The following ADAMTS2 variants were observed in gnomAD, a reference collection of about 807,000 sequenced individuals.
ADAMTS2 encodes ADAM metallopeptidase with thrombospondin type 1 motif 2, also known as A disintegrin and metalloproteinase with thrombospondin motifs 2.
ADAMTS2 carries 50 observed loss-of-function variants against 123.0 expected under a neutral mutation model. The ratio of observed to expected loss-of-function variants is 0.41; its 90% CI spans 0.32 to 0.51. ADAMTS2 has a LOEUF of 0.51. Among genes scored for constraint, ADAMTS2 ranks in the 20% least tolerant of loss-of-function variants. The pLI, the probability that ADAMTS2 is intolerant of heterozygous loss-of-function variation, is 0.35. For synonymous variants in ADAMTS2, 678 were observed against 695.4 expected (o/e 0.98, Z 0.39); for missense variants, 1,494 against 1,705.2 (o/e 0.88, Z 2.18).
intron 4 of ADAMTS2, among the ~76,000 whole-genome samples, chr5:179,200,144 G>A (rs1033107858): frequency 5.9e-5 from 9 of 151,866 alleles, no homozygotes; most frequent in East Asian, 3.9e-4. Flanking sequence ...ATATCCTGAC[G>A]AGTTTTGCAG....
chr5:179,297,442 G>A (rs1299470281), intron 2 of ADAMTS2, among the ~76,000 whole-genome samples: 1 of 152,016 alleles, frequency 6.6e-6, no homozygotes, highest in Non-Finnish European at 1.5e-5. Context: ...AGAACCAAGA[G>A]GTGAAGTTGG....
intron 3 of ADAMTS2, among the ~76,000 whole-genome samples, chr5:179,268,029 C>G (rs1478534646): frequency 6.6e-6 from 1 of 152,248 alleles, no homozygotes; most frequent in Non-Finnish European, 1.5e-5. Context: ...TTCCTGGAGC[C>G]TTCTCAGTTC....
At chr5:179,183,684 G>T (rs1015355267) in intron 4 of ADAMTS2, among the ~76,000 whole-genome samples, 6 of 152,214 alleles carry the variant, frequency 3.9e-5, no homozygotes, top group Admixed American at 3.9e-4. Context: ...GCTCTAGGGG[G>T]CACCACCAGG....
chr5:179,166,898 G>C (rs34095418), intron 5 of ADAMTS2, among the ~76,000 whole-genome samples: 28,028 of 152,224 alleles, frequency 0.18, 3,078 homozygotes, highest in East Asian at 0.29. Context: ...GCCAGGATGA[G>C]GCAGCGAACG....
intron 10 of ADAMTS2, among the ~76,000 whole-genome samples, chr5:179,142,620 G>A (rs1283661979): frequency 6.6e-6 from 1 of 152,216 alleles, no homozygotes; most frequent in Non-Finnish European, 1.5e-5. Context: ...ATGACCAGAA[G>A]CTTAATGGAA....
chr5:179,328,599 C>G (rs867167938), intron 2 of ADAMTS2, among the ~76,000 whole-genome samples: 1 of 152,202 alleles, frequency 6.6e-6, no homozygotes, highest in African/African-American at 2.4e-5. Flanking sequence ...ATTTTTAACT[C>G]TGTTTTCTCC....
intron 2 of ADAMTS2, among the ~76,000 whole-genome samples, chr5:179,340,606 C>A (rs577695741): frequency 6.6e-6 from 1 of 152,328 alleles, no homozygotes; most frequent in African/African-American, 2.4e-5. Flanking sequence ...TGTTCAAATA[C>A]TGGCTTCGAA....
At chr5:179,157,687 A>AT (rs1196287182) in intron 6 of ADAMTS2, among the ~76,000 whole-genome samples, 3 of 150,164 alleles carry the variant, frequency 2.0e-5, no homozygotes, top group Admixed American at 2.0e-4. Flanking sequence ...TTTTAATTGC[A>AT]TTTTTCCAAT....
intron 5 of ADAMTS2, among the ~76,000 whole-genome samples, chr5:179,167,924 C>G (rs1011827968): frequency 6.6e-6 from 1 of 152,198 alleles, no homozygotes; most frequent in Non-Finnish European, 1.5e-5. Context: ...TCCCTGGGGA[C>G]TGGCCTACCC....
At chr5:179,271,918 C>CGGCT (rs1186971292) in intron 3 of ADAMTS2, among the ~76,000 whole-genome samples, 1 of 152,206 alleles carries the variant, frequency 6.6e-6, no homozygotes, top group Non-Finnish European at 1.5e-5. Context: ...GGGGCTGGCC[C>CGGCT]AGCCCAGGCC....
chr5:179,215,371 C>T (rs577217899), intron 3 of ADAMTS2, among the ~76,000 whole-genome samples: 4 of 152,220 alleles, frequency 2.6e-5, no homozygotes, highest in South Asian at 2.1e-4. Context: ...TCGCTTGAAC[C>T]GGGGAGGCGG....
At chr5:179,341,365 G>A (rs1373814793) in intron 2 of ADAMTS2, 1 of 388,232 alleles carries the variant, frequency 2.6e-6, no homozygotes, top group Non-Finnish European at 5.1e-6. Context: ...AAAAAGGAAG[G>A]AAGGAAGGAA....
intron 3 of ADAMTS2, among the ~76,000 whole-genome samples, chr5:179,240,436 G>A (rs1324020638): frequency 6.6e-6 from 1 of 152,196 alleles, no homozygotes; most frequent in Non-Finnish European, 1.5e-5. Context: ...TCAGTGGTGT[G>A]AGAGACCGTG....
At position 179,125,047 on chromosome 5, in the gene ADAMTS2, C is replaced by G; in HGVS notation, c.2884G>C (p.Ala962Pro). Residue 962 changes from alanine to proline, a missense_variant, in exon 19 of 22, where the codon GCC (alanine) becomes CCC (proline). This residue lies in a region of ADAMTS2 where 953 missense variants were observed against 1,124.7 expected (regional missense o/e 0.85). Transcript: ENST00000251582. ...RSVHAKHCND[A>P]RPESRRACSR... ...CAGGCCCGGCGGCTCTCGGGCCGGGCGTCATTGCAGTGCTTGGCGTGCACG... is the reference window on the plus strand; with the variant it reads ...CAGGCCCGGCGGCTCTCGGGCCGGGGGTCATTGCAGTGCTTGGCGTGCACG... 1 of 1,608,686 alleles carries G rather than the reference C, an allele frequency of 6.2e-7. No homozygotes were observed. Among genetic ancestry groups the G allele is most frequent in the Non-Finnish European group, 8.5e-7 (1 of 1,178,882 alleles).
chr5:179,339,047 G>A (rs1255854316), intron 2 of ADAMTS2, among the ~76,000 whole-genome samples: 1 of 152,178 alleles, frequency 6.6e-6, no homozygotes, highest in East Asian at 1.9e-4. Flanking sequence ...AGCCCAACAT[G>A]GGGTCTGGAG....
At chr5:179,246,954 CA>C (rs59884989) in intron 3 of ADAMTS2, among the ~76,000 whole-genome samples, 5,144 of 152,246 alleles carry the variant, frequency 0.034, 272 homozygotes, top group African/African-American at 0.11. Context: ...TCTCCACATT[CA>C]AAATGTCCAG....
Position 179,197,091 on chromosome 5 carries a change from G to C in ADAMTS2, c.891+10422C>G, listed in dbSNP as rs1216235159. 6.6e-6 allele frequency among the ~76,000 whole-genome samples: 1 copy of C among 152,204 alleles called. No individual in the cohort carries two copies. The stretch of plus-strand genomic sequence containing the variant: ...CCATCCAAAAAAGGGGCCACTTCAG[G>C]GGGAGATGCCTTACATCTGTCTGGT... On this transcript the variant is annotated intron_variant, in intron 4 of 21. Transcript: ENST00000251582. The surrounding 1 kb of genome is among the most constrained non-coding windows in gnomAD (Gnocchi z 4.2).
intron 2 of ADAMTS2, among the ~76,000 whole-genome samples, chr5:179,298,626 G>A (rs138295920): frequency 5.9e-5 from 9 of 152,162 alleles, no homozygotes; most frequent in South Asian, 2.1e-4. Flanking sequence ...GAATACACAC[G>A]TGGCAGGAGG....
At chr5:179,205,811 A>G (rs1419397422) in intron 4 of ADAMTS2, among the ~76,000 whole-genome samples, 6 of 149,528 alleles carry the variant, frequency 4.0e-5, no homozygotes, top group Middle Eastern at 3.2e-3. Flanking sequence ...TCGCTCTGTC[A>G]CTGAGGCTAG....
Sources: gnomAD v4.1 joint callset for allele counts (sites outside exome capture counted in the v4.1 genomes callset) on GRCh38, gnomAD v4.1.1 for gene constraint, gnomAD v4.1.1 regional missense constraint, Gnocchi (gnomAD v3.1) non-coding constraint, MANE v1.5 for transcripts, NCBI Gene and HGNC (gene_info 2026-07-23, HGNC 2026-07-21) for gene names.